NMT2: variants seen among roughly 807,000 people sequenced by gnomAD.
NMT2 encodes N-myristoyltransferase 2.
NMT2 carries 35 observed loss-of-function variants against 65.4 expected under a neutral mutation model. The observed-to-expected ratio is 0.54, with a 90% CI of 0.41 to 0.71. The LOEUF (loss-of-function observed/expected upper bound fraction) is 0.71. Ranked by LOEUF, NMT2 falls within the 30% of genes least tolerant of loss-of-function variation. The probability of loss-of-function intolerance (pLI) is 0.00; values close to 1 mark genes in which losing one functional copy is unlikely to be tolerated. For synonymous variants in NMT2, 226 were observed against 231.8 expected (o/e 0.98, Z 0.23); for missense variants, 489 against 611.3 (o/e 0.80, Z 2.11).
At chr10:15,155,250 A>G (rs1372371445) in intron 1 of NMT2, 5 of 1,487,732 alleles carry the variant, frequency 3.4e-6, no homozygotes, top group Admixed American at 3.4e-5. Flanking sequence ...GTCTGCAAAC[A>G]GTTCGAAGGA....
chr10:15,119,337 C>G lies in NMT2; in HGVS notation c.1170+6G>C, dbSNP rs540409589. The G allele has an allele frequency of 1.2e-6, 2 of 1,613,790 alleles. No homozygotes were observed. The highest frequency in any genetic ancestry group is 2.7e-5 in the African/African-American group (2 of 75,048). On this transcript the variant is annotated splice_donor_region_variant and intron_variant, in intron 9 of 11. Coordinates refer to ENST00000378165, the MANE Select transcript of NMT2 (RefSeq NM_004808.3). ...AGAAGCTTTATGTTTATCACCTTGT[C>G]TTTACCTCCACTACAAACGTGTCAA...
chr10:15,109,391 A>G (rs907009798), intron 11 of NMT2, among the ~76,000 whole-genome samples, 176 bp from the exon 12 acceptor site: 14 of 152,168 alleles, frequency 9.2e-5, no homozygotes, highest in Non-Finnish European at 1.3e-4. Flanking sequence ...CCTGGCCAAC[A>G]TGGTCAAACC....
intron 1 of NMT2, among the ~76,000 whole-genome samples, chr10:15,150,745 C>T (rs1253137093): frequency 6.6e-6 from 1 of 152,102 alleles, no homozygotes; most frequent in Non-Finnish European, 1.5e-5. Context: ...CAGCTTTGGA[C>T]AAAGGTGACT....
chr10:15,141,664 G>A (rs960265158), intron 1 of NMT2, 107 bp from the exon 2 acceptor site: 8 of 1,364,282 alleles, frequency 5.9e-6, no homozygotes, highest in African/African-American at 1.5e-5. Context: ...GTTACATGCA[G>A]TAGAAAATAA....
intron 1 of NMT2, among the ~76,000 whole-genome samples, chr10:15,159,238 G>A (rs777891439): frequency 9.9e-5 from 15 of 152,164 alleles, no homozygotes; most frequent in Non-Finnish European, 2.1e-4. Context: ...GATGCTTGGG[G>A]CAGTCTAGTT....
At chr10:15,150,477 G>A (rs555953359) in intron 1 of NMT2, among the ~76,000 whole-genome samples, 55 of 152,222 alleles carry the variant, frequency 3.6e-4, no homozygotes, top group African/African-American at 1.0e-3. Flanking sequence ...GCTGCACTAC[G>A]GCCTCATCTA....
intron 1 of NMT2, among the ~76,000 whole-genome samples, chr10:15,159,985 T>C (rs1201801503): frequency 2.0e-5 from 3 of 152,158 alleles, no homozygotes; most frequent in Non-Finnish European, 4.4e-5. Flanking sequence ...CCTTTGGTCA[T>C]AGTGGCTGCG....
At chr10:15,163,671 C>T (rs771706129) in intron 1 of NMT2, among the ~76,000 whole-genome samples, 6 of 152,194 alleles carry the variant, frequency 3.9e-5, no homozygotes, top group Non-Finnish European at 8.8e-5. Context: ...CCCACTGATA[C>T]CACACAGCTG....
chr10:15,157,203 G>C (rs1262690755), intron 1 of NMT2, among the ~76,000 whole-genome samples: 1 of 152,172 alleles, frequency 6.6e-6, no homozygotes, highest in Non-Finnish European at 1.5e-5. Context: ...GGCACTGTGA[G>C]TTTAAGCCAG....
rs537633880 is a variant in NMT2 at position 15,136,253 on chromosome 10, G to A, written c.247-835C>T. On this transcript the variant is annotated intron_variant, in intron 2 of 11. Transcript: ENST00000378165. ...GAAAGGGAAAGGGAAAGGAAGGGAA[G>A]GGAAGGGAAAGGGAAGGGAAGGGAA... Among the ~76,000 whole-genome samples the A allele has an allele frequency of 1.4e-3, 208 of 147,574 alleles. 1 individual carries two copies. Among genetic ancestry groups the A allele is most frequent in the African/African-American group, 5.0e-3 (201 of 40,032 alleles).
intron 1 of NMT2, among the ~76,000 whole-genome samples, chr10:15,161,220 G>A (rs1398565981): frequency 1.3e-5 from 2 of 151,646 alleles, no homozygotes; most frequent in Non-Finnish European, 1.5e-5. Context: ...CCCAGGCTAT[G>A]TATTATGTGG....
At chr10:15,135,181 A>C (rs1405909182) in intron 3 of NMT2, 93 bp downstream of exon 3, 3 of 1,270,286 alleles carry the variant, frequency 2.4e-6, no homozygotes, top group Middle Eastern at 1.9e-4. Context: ...TGAAGTTAAC[A>C]CTCTTTGTGT....
chr10:15,134,591 A>G (rs778035070), intron 3 of NMT2, among the ~76,000 whole-genome samples: 1 of 152,160 alleles, frequency 6.6e-6, no homozygotes, highest in African/African-American at 2.4e-5. Context: ...GCCCTGGACT[A>G]TGCCTGGCAT....
Position 15,108,150 on chromosome 10 carries a change from A to C in NMT2, c.*1045T>G. ...GAGAAGAAACTGAACTTTGCACAAC[A>C]GCAGAAAAGTCTAGTTAGTCGCGGG... On this transcript the variant is annotated 3_prime_UTR_variant, in exon 12 of 12. Coordinates refer to ENST00000378165, the MANE Select transcript of NMT2 (RefSeq NM_004808.3). 1 of 984,090 alleles carries C rather than the reference A, an allele frequency of 1.0e-6. No homozygotes were observed. The highest frequency in any genetic ancestry group is 1.2e-6 in the Non-Finnish European group (1 of 829,740). 61.0% of individuals were successfully genotyped at this position (984,090 alleles called of 1,614,324 possible). A position where few individuals can be genotyped will look rare whatever the true frequency, so the allele number is the denominator to read the frequency against.
chr10:15,155,455 A>C (rs1290531627), intron 1 of NMT2: 1 of 478,364 alleles, frequency 2.1e-6, no homozygotes, highest in African/African-American at 2.0e-5. Flanking sequence ...TGCAGCCTTG[A>C]ACTTCCGGGC....
intron 8 of NMT2, among the ~76,000 whole-genome samples, chr10:15,125,402 G>C (rs1171763786): frequency 6.6e-6 from 1 of 152,198 alleles, no homozygotes; most frequent in Non-Finnish European, 1.5e-5. Context: ...CTGATGAATG[G>C]AGTCAAGTCA....
chr10:15,148,748 G>C (rs537385129), intron 1 of NMT2, among the ~76,000 whole-genome samples: 10 of 152,114 alleles, frequency 6.6e-5, no homozygotes, highest in African/African-American at 2.4e-4. Context: ...ACCGAAAATA[G>C]TGTCTGACAT....
intron 2 of NMT2, among the ~76,000 whole-genome samples, chr10:15,136,153 G>A (rs1393426846): frequency 6.6e-6 from 1 of 151,208 alleles, no homozygotes; most frequent in Non-Finnish European, 1.5e-5. Flanking sequence ...CCTGGGAGGT[G>A]GAGGTTGCAG....
rs540826009 is a variant in NMT2, at chr10:15,109,828, A to G, written c.1350T>C (p.Asp450=). The G allele has an allele frequency of 4.2e-5, 67 of 1,602,230 alleles. 2 individuals are homozygous for G. In the Middle Eastern group the frequency reaches 3.2e-3, roughly 77 times the overall value. ...ALILAKSKGF[D]VFNALDLMEN... Reference sequence around the variant, plus strand: ...CCATCAAATCCAGTGCATTGAATACATCAAATCCTTTCTGCCAATTTAAAA... The same window carrying G: ...CCATCAAATCCAGTGCATTGAATACGTCAAATCCTTTCTGCCAATTTAAAA... The change falls in exon 11 of 12, where the codon GAT becomes GAC. Residue 450 remains aspartate, a synonymous_variant. Transcript: ENST00000378165.
Sources: allele counts gnomAD v4.1 joint callset (sites outside exome capture counted in the v4.1 genomes callset), GRCh38; gene constraint gnomAD v4.1.1; transcripts MANE v1.5; gene names NCBI Gene and HGNC (gene_info 2026-07-23, HGNC 2026-07-21).